The following PHF21B variants were observed in gnomAD, a reference collection of about 807,000 sequenced individuals.
PHF21B encodes the protein PHD finger protein 4.
A neutral mutation model predicts 62.2 loss-of-function variants in PHF21B; 22 were observed. The ratio of observed to expected loss-of-function variants is 0.35; its 90% confidence interval spans 0.25 to 0.51. The LOEUF (loss-of-function observed/expected upper bound fraction) is 0.51, where lower values mean the gene tolerates loss of function less well. Among genes scored for constraint, PHF21B ranks in the 20% least tolerant of loss-of-function variants. The pLI is 0.97. For synonymous variants in PHF21B, 341 were observed against 314.7 expected, an observed-to-expected ratio of 1.08 and a Z score of -0.88; for missense variants, 701 against 707.9, an observed-to-expected ratio of 0.99 and a Z score of 0.11.
At chr22:45,001,855 C>A (rs1340608572) in intron 2 of PHF21B, 1 of 152,230 alleles carries the variant, frequency 6.6e-6, no homozygotes, top group Non-Finnish European at 1.5e-5. Flanking sequence ...GCAGACACCT[C>A]CGTGAGCACA....
At chr22:44,995,402 G>A (rs1042817540) in intron 2 of PHF21B, among the ~76,000 whole-genome samples, 29 of 152,186 alleles carry the variant, frequency 1.9e-4, no homozygotes, top group African/African-American at 6.5e-4. Context: ...GGCTGGGGCT[G>A]GAGTGTGTGG....
rs975377106 is a variant in PHF21B, at chr22:44,950,575, G to GT, written c.121-30086dup. 9.6e-4 allele frequency among the ~76,000 whole-genome samples: 141 copies of GT among 146,982 alleles called. 1 individual carries two copies. Among genetic ancestry groups the GT allele is most frequent in the East Asian group, 3.4e-3 (17 of 5,054 alleles). The stretch of plus-strand genomic sequence containing the variant: ...CATTGCTTCTGTTCTTCGTGTTCGT[G>GT]TTTTTTTTTTTCTTTTGAAAAACTC... On this transcript the variant is annotated intron_variant, in intron 2 of 12. Transcript: ENST00000313237.
chr22:44,916,094 T>C (rs2071426601), intron 4 of PHF21B, among the ~76,000 whole-genome samples, 186 bp downstream of exon 4: 2 of 152,238 alleles, frequency 1.3e-5, no homozygotes, highest in Admixed American at 1.3e-4. Flanking sequence ...TAATCATGTG[T>C]TCATACTCCA....
chr22:44,986,732 G>A (rs114135742), intron 2 of PHF21B, among the ~76,000 whole-genome samples: 3,073 of 152,200 alleles, frequency 0.02, 98 homozygotes, highest in African/African-American at 0.069. Flanking sequence ...CTTCTACACT[G>A]TGCTCGCTGG....
At chr22:44,886,076 C>T in intron 10 of PHF21B, 138 bp from the exon 11 acceptor site, 2 of 700,076 alleles carry the variant, frequency 2.9e-6, no homozygotes, top group East Asian at 2.6e-5. Flanking sequence ...GGAGCTGGGG[C>T]CGCACATGCC....
chr22:44,951,889 G>A (rs1169223330), intron 2 of PHF21B, among the ~76,000 whole-genome samples: 5 of 152,124 alleles, frequency 3.3e-5, no homozygotes, highest in African/African-American at 1.2e-4. Flanking sequence ...CTTGCCTTTT[G>A]TCCTTTATTA....
chr22:44,983,330 C>T (rs1244664788), intron 2 of PHF21B, among the ~76,000 whole-genome samples: 1 of 152,138 alleles, frequency 6.6e-6, no homozygotes, highest in African/African-American at 2.4e-5. Flanking sequence ...CACCCATTGA[C>T]CTGCAGACAT....
At chr22:44,949,041 G>A (rs529665758) in intron 2 of PHF21B, among the ~76,000 whole-genome samples, 10 of 152,304 alleles carry the variant, frequency 6.6e-5, no homozygotes, top group African/African-American at 1.9e-4. Context: ...GGTGGCTCAC[G>A]CCTGTAATCC....
intron 2 of PHF21B, among the ~76,000 whole-genome samples, chr22:44,925,445 C>T (rs1227514874): frequency 2.0e-5 from 3 of 152,182 alleles, no homozygotes; most frequent in Non-Finnish European, 4.4e-5. Context: ...GCTCGGACGG[C>T]GGTTCCTGCC....
intron 6 of PHF21B, among the ~76,000 whole-genome samples, chr22:44,895,640 G>C (rs2071042636): frequency 6.6e-6 from 1 of 152,170 alleles, no homozygotes; most frequent in African/African-American, 2.4e-5. Flanking sequence ...TAAGAAAGTG[G>C]TGGGACCGGG....
At chr22:44,970,523 C>A (rs2072617628) in intron 2 of PHF21B, among the ~76,000 whole-genome samples, 1 of 152,204 alleles carries the variant, frequency 6.6e-6, no homozygotes. Context: ...CCCTTAACCA[C>A]CTCAGCAGTG....
At chr22:44,907,098 C>T (rs1455362601) in intron 5 of PHF21B, among the ~76,000 whole-genome samples, 10 of 152,176 alleles carry the variant, frequency 6.6e-5, no homozygotes, top group Non-Finnish European at 1.5e-5. Context: ...ATGTCCGTGC[C>T]GCAACCTCAC....
At chr22:44,903,057 C>T (rs1046367786) in intron 5 of PHF21B, among the ~76,000 whole-genome samples, 8 of 152,210 alleles carry the variant, frequency 5.3e-5, no homozygotes, top group Non-Finnish European at 1.0e-4. Flanking sequence ...TGCCACCTTC[C>T]CTGTTCCTGG....
At chr22:44,933,586 G>A (rs2071784550) in intron 2 of PHF21B, 3 of 969,470 alleles carry the variant, frequency 3.1e-6, no homozygotes, top group Non-Finnish European at 3.7e-6. Context: ...TGCACGGGAA[G>A]GTCTCGGCTA....
intron 2 of PHF21B, among the ~76,000 whole-genome samples, chr22:44,921,728 G>A (rs760700915): frequency 2.0e-5 from 3 of 151,172 alleles, no homozygotes; most frequent in Non-Finnish European, 2.9e-5. Context: ...GCGTGATCTT[G>A]GCTCACTGCA....
intron 5 of PHF21B, among the ~76,000 whole-genome samples, chr22:44,900,722 A>G (rs2071143110): frequency 6.6e-6 from 1 of 151,430 alleles, no homozygotes; most frequent in South Asian, 2.1e-4. Flanking sequence ...CGTATCCTGG[A>G]ATTGAATGTG....
intron 5 of PHF21B, among the ~76,000 whole-genome samples, chr22:44,909,822 T>C (rs142138624): frequency 1.8e-4 from 28 of 152,364 alleles, no homozygotes; most frequent in African/African-American, 4.3e-4. Flanking sequence ...CTGCAGACCA[T>C]GCCCCTTCTC....
chr22:44,945,283 G>A (rs868086457), intron 2 of PHF21B, among the ~76,000 whole-genome samples: 1 of 152,196 alleles, frequency 6.6e-6, no homozygotes, highest in Non-Finnish European at 1.5e-5. Context: ...CTCGCTCTGG[G>A]TAGGAGCAGC....
intron 5 of PHF21B, among the ~76,000 whole-genome samples, chr22:44,907,676 T>C (rs1407419026): frequency 6.6e-6 from 1 of 152,238 alleles, no homozygotes; most frequent in African/African-American, 2.4e-5. Flanking sequence ...GAGCGTTCAT[T>C]ACTTACATCT....
Sources: allele counts gnomAD v4.1 joint callset (sites outside exome capture counted in the v4.1 genomes callset), GRCh38; gene constraint gnomAD v4.1.1; transcripts MANE v1.5; gene names NCBI Gene and HGNC (gene_info 2026-07-23, HGNC 2026-07-21).